Variants in SLCO5A1 observed in about 807,000 individuals in gnomAD.
SLCO5A1 encodes the protein solute carrier organic anion transporter family member 5A1, also known as organic anion transporter polypeptide-related protein 4.
A neutral mutation model predicts 65.1 loss-of-function variants in SLCO5A1; 39 were observed. The ratio of observed to expected loss-of-function variants is 0.60; its 90% CI spans 0.46 to 0.78. The LOEUF (loss-of-function observed/expected upper bound fraction) is 0.78. Ranked by LOEUF, SLCO5A1 falls within the 30% of genes least tolerant of loss-of-function variation. The pLI, the probability that SLCO5A1 is intolerant of heterozygous loss-of-function variation, is 0.00. For synonymous variants in SLCO5A1, 438 were observed against 415.7 expected, an observed-to-expected ratio of 1.05 and a Z score of -0.65; for missense variants, 1,029 against 1,069.4, an observed-to-expected ratio of 0.96 and a Z score of 0.53.
At position 69,694,707 on chromosome 8, in the gene SLCO5A1, T is replaced by C. The variant is rs577959284; in HGVS notation, c.1622+10324A>G. On this transcript the variant is annotated intron_variant, in intron 6 of 9. Transcript: ENST00000260126. ...CCCAGTAGTGTTTTCATTAAGTCATTCTAGACTGTATTCCTAGGACTTGAG... is the reference window on the plus strand; with the variant it reads ...CCCAGTAGTGTTTTCATTAAGTCATCCTAGACTGTATTCCTAGGACTTGAG... Among the ~76,000 whole-genome samples the C allele has an allele frequency of 3.3e-5, 5 of 152,334 alleles. No homozygotes were observed. The East Asian group carries it at 9.6e-4, about 29-fold the overall frequency.
chr8:69,818,262 C>A (rs943305723), intron 2 of SLCO5A1, among the ~76,000 whole-genome samples: 1 of 152,178 alleles, frequency 6.6e-6, no homozygotes, highest in East Asian at 1.9e-4. Context: ...TGGCTCCAAC[C>A]CCAAACCCAG....
chr8:69,806,528 A>G (rs1819997281), intron 2 of SLCO5A1, among the ~76,000 whole-genome samples: 1 of 152,216 alleles, frequency 6.6e-6, no homozygotes, highest in Non-Finnish European at 1.5e-5. Flanking sequence ...TAGGTGGAGT[A>G]GAAGTTATTA....
intron 2 of SLCO5A1, among the ~76,000 whole-genome samples, chr8:69,771,269 C>A (rs1207554937): frequency 1.3e-5 from 2 of 152,226 alleles, no homozygotes; most frequent in East Asian, 1.9e-4. Flanking sequence ...CAGGTGTGAA[C>A]CACCACGCCC....
At chr8:69,702,803 A>G (rs1814801759) in intron 6 of SLCO5A1, among the ~76,000 whole-genome samples, 1 of 152,194 alleles carries the variant, frequency 6.6e-6, no homozygotes, top group Non-Finnish European at 1.5e-5. Context: ...TAACAAAACT[A>G]CATGTGGTTA....
chr8:69,712,707 T>G (rs1047954147), intron 5 of SLCO5A1, among the ~76,000 whole-genome samples: 3 of 152,230 alleles, frequency 2.0e-5, no homozygotes, highest in African/African-American at 7.2e-5. Context: ...TCTGTTATCT[T>G]TCTTTAAGGT....
chr8:69,682,321 T>G lies in SLCO5A1; in HGVS notation c.1645A>C (p.Arg549=). The G allele has an allele frequency of 6.2e-7, 1 of 1,608,504 alleles. No homozygotes were observed. Among genetic ancestry groups the G allele is most frequent in the East Asian group, 2.2e-5 (1 of 44,454 alleles). ...ACGTTGCAGCTTCCTGTCAGATTCC[T>G]ATGGGGCATGGTGAGAGAAGGTCTA... ...TTGPSLTMPH[R]NLTGSCNVNC... The change falls in exon 7 of 10, where the codon AGG becomes CGG. Residue 549 remains arginine (R), a synonymous_variant. Transcript: ENST00000260126.
intron 2 of SLCO5A1, among the ~76,000 whole-genome samples, chr8:69,828,258 C>A: frequency 1.0e-5 from 1 of 98,182 alleles, no homozygotes; most frequent in Non-Finnish European, 1.9e-5. Context: ...CTAACGCATT[C>A]ATCATTTTTT....
chr8:69,818,278 G>A (rs1194863589), intron 2 of SLCO5A1, among the ~76,000 whole-genome samples: 4 of 152,216 alleles, frequency 2.6e-5, no homozygotes, highest in Non-Finnish European at 4.4e-5. Flanking sequence ...CCCAGAGAGA[G>A]AGACTTCTTG....
intron 4 of SLCO5A1, among the ~76,000 whole-genome samples, chr8:69,738,834 T>C (rs1816678988): frequency 6.6e-6 from 1 of 152,240 alleles, no homozygotes; most frequent in African/African-American, 2.4e-5. Context: ...GTTTAGCACC[T>C]GCTGAGCTGC....
chr8:69,770,112 T>A (rs961710592), intron 2 of SLCO5A1, among the ~76,000 whole-genome samples: 1 of 152,230 alleles, frequency 6.6e-6, no homozygotes, highest in Non-Finnish European at 1.5e-5. Context: ...CTCCAGCTTT[T>A]TCTATGTCAA....
chr8:69,825,302 T>C (rs572724987), intron 2 of SLCO5A1, among the ~76,000 whole-genome samples: 8 of 152,168 alleles, frequency 5.3e-5, no homozygotes, highest in Non-Finnish European at 1.2e-4. Flanking sequence ...GAGAAGGAAA[T>C]AAAGGGTATT....
chr8:69,676,700 C>A, intron 8 of SLCO5A1, 27 bp from the exon 9 acceptor site: 1 of 1,595,404 alleles, frequency 6.3e-7, no homozygotes, highest in Non-Finnish European at 8.6e-7. Context: ...GAAGGAAATG[C>A]ATTTTAAATA....
chr8:69,764,476 T>G (rs1057094925), intron 2 of SLCO5A1, among the ~76,000 whole-genome samples: 2 of 152,180 alleles, frequency 1.3e-5, no homozygotes, highest in Non-Finnish European at 2.9e-5. Flanking sequence ...AGTGTTTATT[T>G]TATAGAATCA....
At chr8:69,688,340 T>TTTA (rs1185698688) in intron 6 of SLCO5A1, among the ~76,000 whole-genome samples, 1 of 152,104 alleles carries the variant, frequency 6.6e-6, no homozygotes, top group African/African-American at 2.4e-5. Context: ...AAATTTTTTT[T>TTTA]TTATTATTAT....
chr8:69,724,193 G>A (rs930404216), intron 5 of SLCO5A1, among the ~76,000 whole-genome samples: 3 of 152,086 alleles, frequency 2.0e-5, no homozygotes, highest in African/African-American at 7.2e-5. Flanking sequence ...ATTTTCAAAA[G>A]GGTTTGGTAT....
intron 3 of SLCO5A1, among the ~76,000 whole-genome samples, chr8:69,758,263 T>A (rs376387582): frequency 2.6e-5 from 4 of 152,168 alleles, no homozygotes; most frequent in Non-Finnish European, 5.9e-5. Flanking sequence ...CATGGCTAAC[T>A]GCAGCCTTGA....
intron 3 of SLCO5A1, among the ~76,000 whole-genome samples, chr8:69,757,652 T>C (rs7828808): frequency 0.97 from 147,533 of 152,328 alleles, 71,508 homozygotes; most frequent in East Asian, 1. Flanking sequence ...GCACTCTAGC[T>C]TGGGCAACAA....
chr8:69,813,512 C>T (rs1193300930), intron 2 of SLCO5A1, among the ~76,000 whole-genome samples: 10 of 152,204 alleles, frequency 6.6e-5, no homozygotes, highest in Non-Finnish European at 1.2e-4. Flanking sequence ...AGTCATAATT[C>T]CCTAGAGGGG....
At chr8:69,704,678 T>C (rs1814892219) in intron 6 of SLCO5A1, among the ~76,000 whole-genome samples, 1 of 152,264 alleles carries the variant, frequency 6.6e-6, no homozygotes, top group Non-Finnish European at 1.5e-5. Context: ...CTGTACCTTG[T>C]ATTTTCATTG....
Sources: allele counts gnomAD v4.1 joint callset (sites outside exome capture counted in the v4.1 genomes callset), GRCh38; gene constraint gnomAD v4.1.1; transcripts MANE v1.5; gene names NCBI Gene and HGNC (gene_info 2026-07-23, HGNC 2026-07-21).